LRRC7: variants seen among roughly 807,000 people sequenced by gnomAD.
The protein encoded by LRRC7 is leucine rich repeat containing 7.
In LRRC7, 23 loss-of-function variants were observed where a neutral mutation model predicts 175.7. The observed-to-expected ratio is 0.13, with a 90% CI of 0.09 to 0.19. LRRC7 has a LOEUF of 0.19. LRRC7 is among the 10% of genes least tolerant of loss of function. The probability of loss-of-function intolerance (pLI) is 1.00; values close to 1 mark genes in which losing one functional copy is unlikely to be tolerated. For synonymous variants in LRRC7, 685 were observed against 680.9 expected (o/e 1.01, Z -0.09); for missense variants, 1,354 against 1,904.7 (o/e 0.71, Z 5.38).
At chr1:70,105,152 G>T (rs1665056725) in intron 25 of LRRC7, among the ~76,000 whole-genome samples, 1 of 152,138 alleles carries the variant, frequency 6.6e-6, no homozygotes, top group African/African-American at 2.4e-5. Flanking sequence ...GAACCATGGG[G>T]ATTATATTTG....
chr1:69,838,337 G>A, intron 7 of LRRC7, 54 bp downstream of exon 7: 1 of 1,332,972 alleles, frequency 7.5e-7, no homozygotes, highest in Non-Finnish European at 1.1e-6. Flanking sequence ...TCACTAGTAA[G>A]AGAAATAACT....
chr1:69,851,499 G>A (rs1201186235), intron 7 of LRRC7, among the ~76,000 whole-genome samples: 1 of 152,038 alleles, frequency 6.6e-6, no homozygotes, highest in East Asian at 1.9e-4. Flanking sequence ...TGAGGGAATG[G>A]GATGTAGAGC....
At chr1:69,716,003 G>A (rs1411629636) in intron 2 of LRRC7, 1 of 364,472 alleles carries the variant, frequency 2.7e-6, no homozygotes, top group Non-Finnish European at 5.1e-6. Context: ...ATTCTTATAG[G>A]ATATGTAACC....
intron 23 of LRRC7, among the ~76,000 whole-genome samples, chr1:70,063,242 A>C (rs1427291051): frequency 6.6e-6 from 1 of 152,176 alleles, no homozygotes; most frequent in Non-Finnish European, 1.5e-5. Flanking sequence ...CGGGCAGATT[A>C]AAGTACTTAC....
chr1:69,639,517 T>C (rs1183410042), intron 1 of LRRC7, among the ~76,000 whole-genome samples: 1 of 151,830 alleles, frequency 6.6e-6, no homozygotes, highest in Non-Finnish European at 1.5e-5. Context: ...ACAAGCTCTA[T>C]GAAAGGACTC....
At chr1:70,083,474 T>G (rs1467904046) in intron 24 of LRRC7, among the ~76,000 whole-genome samples, 1 of 152,154 alleles carries the variant, frequency 6.6e-6, no homozygotes, top group Non-Finnish European at 1.5e-5. Flanking sequence ...TTACATACCA[T>G]GAAGCATTCT....
At chr1:69,588,965 G>A (rs933911070) in intron 1 of LRRC7, among the ~76,000 whole-genome samples, 1 of 148,710 alleles carries the variant, frequency 6.7e-6, no homozygotes, top group Non-Finnish European at 1.5e-5. Flanking sequence ...TGCAGTTGGT[G>A]CTGCTGCTCC....
intron 23 of LRRC7, among the ~76,000 whole-genome samples, chr1:70,061,400 T>C (rs943017018): frequency 1.3e-5 from 2 of 152,080 alleles, no homozygotes; most frequent in African/African-American, 4.8e-5. Context: ...CTTAGAACTT[T>C]GTGTCAAGCA....
intron 14 of LRRC7, among the ~76,000 whole-genome samples, chr1:70,017,199 C>CG (rs949567107): frequency 2.9e-4 from 44 of 150,066 alleles, no homozygotes; most frequent in African/African-American, 9.4e-4. Context: ...CGCTTGAACC[C>CG]GGGGGGCACA....
chr1:69,702,282 A>G (rs184604085), intron 2 of LRRC7, among the ~76,000 whole-genome samples: 43 of 152,324 alleles, frequency 2.8e-4, no homozygotes, highest in African/African-American at 8.4e-4. Context: ...CTGTCAAGCA[A>G]GACAGAACAC....
intron 11 of LRRC7, among the ~76,000 whole-genome samples, chr1:70,010,420 G>A (rs886839007): frequency 6.6e-6 from 1 of 152,008 alleles, no homozygotes; most frequent in South Asian, 2.1e-4. Flanking sequence ...ACAAAAATTA[G>A]CTGGGCGTGG....
chr1:69,828,733 C>T (rs923575527), intron 5 of LRRC7, among the ~76,000 whole-genome samples: 2 of 151,842 alleles, frequency 1.3e-5, no homozygotes, highest in African/African-American at 4.8e-5. Flanking sequence ...TTATGATGTT[C>T]GTTTTATAAT....
chr1:69,620,120 A>C (rs1015498696), intron 1 of LRRC7, among the ~76,000 whole-genome samples: 1 of 152,216 alleles, frequency 6.6e-6, no homozygotes, highest in Admixed American at 6.5e-5. Context: ...AGTAGATATG[A>C]TAAGCCAGCT....
intron 26 of LRRC7, among the ~76,000 whole-genome samples, chr1:70,114,930 C>A (rs1468253851): frequency 6.6e-6 from 1 of 152,068 alleles, no homozygotes; most frequent in Non-Finnish European, 1.5e-5. Context: ...AAGTAACATC[C>A]ATTAAGTGTC....
intron 14 of LRRC7, among the ~76,000 whole-genome samples, chr1:70,017,844 A>G (rs1657100397): frequency 6.6e-6 from 1 of 152,138 alleles, no homozygotes; most frequent in Non-Finnish European, 1.5e-5. Context: ...TTCTGGAATC[A>G]ATGTGAACTA....
In LRRC7 at chr1:70,129,889, C is replaced by T. The variant is rs1207114033; in HGVS notation, c.*8002C>T. On this transcript the variant is annotated 3_prime_UTR_variant, in exon 27 of 27. Coordinates refer to ENST00000651989, the MANE Select transcript of LRRC7 (RefSeq NM_001370785.2). ...CCCTATGCATACTCAGTGTTTTAGA[C>T]ACATATAAATCCTTACTTTTCCAAG... 6.6e-6 allele frequency among the ~76,000 whole-genome samples: 1 copy of T among 152,174 alleles called. No individual in the cohort carries two copies. The highest frequency in any genetic ancestry group is 2.4e-5 in the African/African-American group (1 of 41,440).
chr1:69,849,712 C>A (rs979458600), intron 7 of LRRC7, among the ~76,000 whole-genome samples: 18 of 152,044 alleles, frequency 1.2e-4, no homozygotes, highest in Non-Finnish European at 1.8e-4. Flanking sequence ...AGGCTCTTCA[C>A]AATCTGACCC....
intron 3 of LRRC7, among the ~76,000 whole-genome samples, chr1:69,782,066 G>C (rs1673827680): frequency 6.6e-6 from 1 of 152,104 alleles, no homozygotes; most frequent in Admixed American, 6.5e-5. Flanking sequence ...GTTACCTCCT[G>C]AGATTTCTCA....
intron 4 of LRRC7, among the ~76,000 whole-genome samples, chr1:69,816,466 A>G (rs1453388594): frequency 6.6e-6 from 1 of 152,032 alleles, no homozygotes; most frequent in Admixed American, 6.5e-5. Flanking sequence ...TGCAGCCAGT[A>G]TTTCTTCTCC....
Sources: gnomAD v4.1 joint callset for allele counts (sites outside exome capture counted in the v4.1 genomes callset) on GRCh38, gnomAD v4.1.1 for gene constraint, MANE v1.5 for transcripts, NCBI Gene and HGNC (gene_info 2026-07-23, HGNC 2026-07-21) for gene names.